Variants in HSPA12A observed in about 807,000 individuals in gnomAD.
The protein encoded by HSPA12A is heat shock 70 kDa protein 12A.
In HSPA12A, 28 loss-of-function variants were observed where a neutral mutation model predicts 69.2. The ratio of observed to expected loss-of-function variants is 0.40; its 90% CI spans 0.30 to 0.55. The LOEUF (loss-of-function observed/expected upper bound fraction) is 0.55, where lower values mean the gene tolerates loss of function less well. Among genes scored for constraint, HSPA12A ranks in the 20% least tolerant of loss-of-function variants. The pLI is 0.38. For synonymous variants in HSPA12A, 345 were observed against 370.5 expected, an observed-to-expected ratio of 0.93 and a Z score of 0.79; for missense variants, 686 against 900.7, an observed-to-expected ratio of 0.76 and a Z score of 3.05.
At chr10:116,744,909 T>C (rs575292629), upstream of HSPA12A, among the ~76,000 whole-genome samples, 3 of 152,160 alleles carry the variant, frequency 2.0e-5, no homozygotes, top group Non-Finnish European at 4.4e-5. Flanking sequence ...TCTTCCCCAA[T>C]AGCAGCCAGA....
chr10:116,838,839 C>A (rs1167644537), intron 1 of HSPA12A, among the ~76,000 whole-genome samples: 1 of 152,174 alleles, frequency 6.6e-6, no homozygotes. Flanking sequence ...GAATTCTAAC[C>A]CGGGCTAATA....
At chr10:116,734,086 C>A (rs782640670) in intron 1 of HSPA12A, among the ~76,000 whole-genome samples, 4 of 152,154 alleles carry the variant, frequency 2.6e-5, no homozygotes, top group Non-Finnish European at 5.9e-5. Flanking sequence ...ACGGAGCACT[C>A]ACTTCTTAGG....
chr10:116,706,582 C>T (rs868927489), intron 2 of HSPA12A, among the ~76,000 whole-genome samples: 5 of 152,160 alleles, frequency 3.3e-5, no homozygotes, highest in African/African-American at 1.2e-4. Flanking sequence ...CCCTGTCTTC[C>T]GGGCACTCAC....
chr10:116,768,876 G>A (rs1453427057), intron 2 of HSPA12A, among the ~76,000 whole-genome samples: 1 of 151,938 alleles, frequency 6.6e-6, no homozygotes, highest in African/African-American at 2.4e-5. Context: ...CCTATTGCAG[G>A]GCCAGCTTGT....
chr10:116,826,744 T>A (rs1845513435), intron 2 of HSPA12A, among the ~76,000 whole-genome samples: 1 of 152,206 alleles, frequency 6.6e-6, no homozygotes, highest in Non-Finnish European at 1.5e-5. Context: ...CATTTCCTTA[T>A]ATGGACAGAA....
intron 7 of HSPA12A, among the ~76,000 whole-genome samples, chr10:116,683,034 C>G (rs1554878924): frequency 6.6e-6 from 1 of 151,882 alleles, no homozygotes; most frequent in African/African-American, 2.4e-5. Context: ...CTGAAATTAA[C>G]CCTTAGACCT....
intron 2 of HSPA12A, among the ~76,000 whole-genome samples, chr10:116,781,102 G>C (rs535909625): frequency 6.6e-6 from 1 of 152,228 alleles, no homozygotes; most frequent in African/African-American, 2.4e-5. Flanking sequence ...TTGAGACTAA[G>C]TGTTACCTAG....
intron 1 of HSPA12A, among the ~76,000 whole-genome samples, chr10:116,713,212 C>A (rs1554883381): frequency 6.6e-6 from 1 of 151,484 alleles, no homozygotes; most frequent in African/African-American, 2.4e-5. Flanking sequence ...AATAAAAAAT[C>A]TTTTATTACC....
chr10:116,683,877 C>A lies in HSPA12A; in HGVS notation c.749G>T (p.Arg250Leu). Residue 250 changes from arginine (R) to leucine (L), a missense_variant, in exon 7 of 12, where the codon CGG becomes CTG. Physicochemically the swap from Arg to Leu is moderately radical, Grantham distance 102 (BLOSUM62 -2). Coordinates refer to ENST00000369209, the MANE Select transcript of HSPA12A (RefSeq NM_025015.3). The stretch of plus-strand genomic sequence containing the variant: ...GCTCAGCTCAATCATCTGGTGTAGC[C>A]GCAGCTTTCGGCAGTAGATAGAGGC... ...EAASIYCRKL[R>L]LHQMIELSSK... 1 of 1,600,214 alleles carries A rather than the reference C, an allele frequency of 6.2e-7. No individual in the cohort carries two copies. Among genetic ancestry groups the A allele is most frequent in the Non-Finnish European group, 8.6e-7 (1 of 1,169,296 alleles).
At chr10:116,691,299 C>T (rs1237183912) in intron 6 of HSPA12A, among the ~76,000 whole-genome samples, 3 of 152,080 alleles carry the variant, frequency 2.0e-5, no homozygotes, top group African/African-American at 4.8e-5. Context: ...TCAAGCCTTC[C>T]GAGTGAGCGC....
chr10:116,719,387 G>A (rs1554884147), intron 1 of HSPA12A, among the ~76,000 whole-genome samples: 1 of 152,190 alleles, frequency 6.6e-6, no homozygotes, highest in East Asian at 1.9e-4. Context: ...CTGCCACCTT[G>A]CCACCAGCAC....
intron 4 of HSPA12A, among the ~76,000 whole-genome samples, chr10:116,699,510 G>A (rs1850018640): frequency 6.6e-6 from 1 of 152,120 alleles, no homozygotes; most frequent in Non-Finnish European, 1.5e-5. Context: ...AAAATCACTG[G>A]GGCCTCCAGA....
chr10:116,768,992 C>G (rs1391891735), intron 2 of HSPA12A, among the ~76,000 whole-genome samples: 1 of 152,156 alleles, frequency 6.6e-6, no homozygotes, highest in Non-Finnish European at 1.5e-5. Flanking sequence ...ACTGGCCTGA[C>G]CTGTAGGACT....
At chr10:116,834,853 G>A (rs987177556) in intron 2 of HSPA12A, 1 of 709,428 alleles carries the variant, frequency 1.4e-6, no homozygotes, top group African/African-American at 1.8e-5. Context: ...AACATACCTA[G>A]TCCCTCTCGA....
At chr10:116,825,474 G>A (rs1172724381) in intron 2 of HSPA12A, among the ~76,000 whole-genome samples, 1 of 152,136 alleles carries the variant, frequency 6.6e-6, no homozygotes, top group African/African-American at 2.4e-5. Flanking sequence ...TGGTGCTACT[G>A]CACTCCAGCC....
chr10:116,834,899 C>T, intron 2 of HSPA12A: 1 of 1,138,468 alleles, frequency 8.8e-7, no homozygotes, highest in Non-Finnish European at 1.1e-6. Flanking sequence ...TTTCAGATGC[C>T]AGTTTGATAC....
At chr10:116,684,061 C>A in intron 6 of HSPA12A, 99 bp from the exon 7 acceptor site, 1 of 990,518 alleles carries the variant, frequency 1.0e-6, no homozygotes. Context: ...AGGGCGCACT[C>A]GTGCTCTGCA....
At chr10:116,689,608 GACAC>G (rs1380709807) in intron 6 of HSPA12A, among the ~76,000 whole-genome samples, 1 of 130,382 alleles carries the variant, frequency 7.7e-6, no homozygotes, top group Non-Finnish European at 1.6e-5. Flanking sequence ...AGGGCATACA[GACAC>G]ACAGACAGAC....
chr10:116,826,603 T>C (rs1845511660), intron 2 of HSPA12A, among the ~76,000 whole-genome samples: 2 of 152,132 alleles, frequency 1.3e-5, no homozygotes, highest in Admixed American at 6.5e-5. Flanking sequence ...TGTTTTAAGA[T>C]CTCACAAACA....
Sources: allele counts gnomAD v4.1 joint callset (sites outside exome capture counted in the v4.1 genomes callset), GRCh38; gene constraint gnomAD v4.1.1; transcripts MANE v1.5; gene names NCBI Gene and HGNC (gene_info 2026-07-23, HGNC 2026-07-21).